The following GRID2 variants were observed in gnomAD, a reference collection of about 807,000 sequenced individuals.
GRID2 encodes the protein glutamate ionotropic receptor delta type subunit 2.
Under a neutral mutation model 114.8 loss-of-function variants are expected in GRID2, and 33 were observed. The ratio of observed to expected loss-of-function variants is 0.29; its 90% CI spans 0.22 to 0.38. The LOEUF (loss-of-function observed/expected upper bound fraction) is 0.38. Ranked by LOEUF, GRID2 falls within the 10% of genes least tolerant of loss-of-function variation. The pLI, the probability that GRID2 is intolerant of heterozygous loss-of-function variation, is 1.00. For missense variants in GRID2, 1,184 were observed against 1,257.7 expected (o/e 0.94, Z 0.89); for synonymous variants, 505 against 449.9 (o/e 1.12, Z -1.55).
chr4:92,568,097 G>A (rs539125891), intron 1 of GRID2, among the ~76,000 whole-genome samples: 1 of 152,014 alleles, frequency 6.6e-6, no homozygotes, highest in African/African-American at 2.4e-5. Context: ...AGCAAGACCT[G>A]AAGCAGTTGA....
At chr4:93,086,358 G>A (rs908390207) in intron 3 of GRID2, among the ~76,000 whole-genome samples, 1 of 152,150 alleles carries the variant, frequency 6.6e-6, no homozygotes, top group Non-Finnish European at 1.5e-5. Flanking sequence ...CAATGTGAAC[G>A]ATATTGGAGA....
intron 1 of GRID2, among the ~76,000 whole-genome samples, chr4:92,329,091 T>C (rs2110140013): frequency 6.6e-6 from 1 of 152,216 alleles, no homozygotes; most frequent in African/African-American, 2.4e-5. Context: ...TTTTACTTCA[T>C]AATAGTCATT....
At chr4:93,484,975 C>T (rs1726241357) in intron 11 of GRID2, among the ~76,000 whole-genome samples, 1 of 151,836 alleles carries the variant, frequency 6.6e-6, no homozygotes. Flanking sequence ...CTAAGATATG[C>T]ATACGTTAGT....
intron 2 of GRID2, among the ~76,000 whole-genome samples, chr4:92,706,045 GAAGTA>G (rs1425117334): frequency 8.5e-5 from 13 of 152,308 alleles, no homozygotes; most frequent in Admixed American, 2.0e-4. Flanking sequence ...CTTGCAGCCT[GAAGTA>G]AAGGCGCAGT....
At chr4:93,779,504 C>T (rs1388944063), downstream of GRID2, among the ~76,000 whole-genome samples, 1 of 152,048 alleles carries the variant, frequency 6.6e-6, no homozygotes, top group South Asian at 2.1e-4. Flanking sequence ...CTCTGCCACC[C>T]AGCTTCTCCT....
chr4:93,155,997 C>A (rs751230967), intron 4 of GRID2, among the ~76,000 whole-genome samples: 3 of 151,116 alleles, frequency 2.0e-5, no homozygotes, highest in Non-Finnish European at 3.0e-5. Context: ...CACGAAGAAA[C>A]GATAAATGCT....
intron 2 of GRID2, among the ~76,000 whole-genome samples, chr4:92,613,668 G>T (rs1729863219): frequency 6.6e-6 from 1 of 151,256 alleles, no homozygotes; most frequent in Non-Finnish European, 1.5e-5. Context: ...TATCTGCTCT[G>T]CTAACATGAA....
intron 8 of GRID2, among the ~76,000 whole-genome samples, chr4:93,297,802 T>A (rs1214125878): frequency 6.6e-6 from 1 of 152,224 alleles, no homozygotes; most frequent in African/African-American, 2.4e-5. Flanking sequence ...TACATAAATA[T>A]TATTCTCTTT....
intron 1 of GRID2, among the ~76,000 whole-genome samples, chr4:92,400,440 A>G (rs1046882207): frequency 1.6e-4 from 24 of 152,146 alleles, no homozygotes; most frequent in African/African-American, 5.5e-4. Context: ...TTAGTACTTT[A>G]TTCCTTTTTA....
chr4:92,443,530 AG>A lies in GRID2; in HGVS notation c.88+138790del, dbSNP rs906949404. ...TCTTACCTTCCAGAAAAGTGGGAAA[AG>A]GGGTTGGGGCACAGAGATAAGAGGT... is the stretch of plus-strand genomic sequence containing the variant. On this transcript the variant is annotated intron_variant, in intron 1 of 15. Coordinates refer to ENST00000282020, the MANE Select transcript of GRID2 (RefSeq NM_001510.4). Among the ~76,000 whole-genome samples, 21 of 151,982 alleles carry A rather than the reference AG, an allele frequency of 1.4e-4. No individual in the cohort carries two copies. The East Asian group carries it at 4.1e-3, about 30-fold the overall frequency.
chr4:93,165,630 CATG>C (rs1738176027), intron 4 of GRID2, among the ~76,000 whole-genome samples: 1 of 152,054 alleles, frequency 6.6e-6, no homozygotes, highest in African/African-American at 2.4e-5. Context: ...AGGCATGAAG[CATG>C]ATGTTTTAGT....
rs374007551 is a variant in GRID2, at chr4:93,614,048, A to G, written c.2194-12221A>G. Among the ~76,000 whole-genome samples the G allele has an allele frequency of 4.0e-3, 609 of 152,034 alleles. 4 individuals carry two copies. The highest frequency in any genetic ancestry group is 0.014 in the African/African-American group (566 of 41,520). ...TTTTTAAGCCGGTCTGAAAAGCGCA[A>G]TATTCGGGTGGGAGTGACCCGATTT... On this transcript the variant is annotated intron_variant, in intron 13 of 15. Coordinates refer to ENST00000282020, the MANE Select transcript of GRID2 (RefSeq NM_001510.4).
intron 2 of GRID2, among the ~76,000 whole-genome samples, chr4:92,901,903 C>G (rs1257021137): frequency 1.3e-5 from 2 of 151,594 alleles, no homozygotes; most frequent in Non-Finnish European, 2.9e-5. Context: ...GGAGAGGATT[C>G]TTTACTGCTC....
intron 8 of GRID2, among the ~76,000 whole-genome samples, chr4:93,283,591 T>C (rs1231365234): frequency 6.6e-6 from 1 of 152,070 alleles, no homozygotes; most frequent in African/African-American, 2.4e-5. Context: ...GGAGAATGTG[T>C]AGGTGCAGTT....
intron 1 of GRID2, among the ~76,000 whole-genome samples, chr4:92,314,337 A>T (rs2110114302): frequency 6.6e-6 from 1 of 152,268 alleles, no homozygotes; most frequent in East Asian, 1.9e-4. Flanking sequence ...CCAGGAACAC[A>T]CAATATTTCT....
chr4:93,468,969 C>T (rs1724544200), intron 11 of GRID2, among the ~76,000 whole-genome samples: 1 of 152,004 alleles, frequency 6.6e-6, no homozygotes, highest in Non-Finnish European at 1.5e-5. Flanking sequence ...TATACCCAGC[C>T]ATCGTACATT....
intron 2 of GRID2, among the ~76,000 whole-genome samples, chr4:92,871,235 CTA>C (rs1360611166): frequency 1.3e-5 from 2 of 151,294 alleles, no homozygotes; most frequent in African/African-American, 4.9e-5. Flanking sequence ...TAATTGTTAA[CTA>C]TGTTTTATTT....
At chr4:92,347,623 G>A (rs940218206) in intron 1 of GRID2, among the ~76,000 whole-genome samples, 1 of 152,048 alleles carries the variant, frequency 6.6e-6, no homozygotes, top group Admixed American at 6.6e-5. Flanking sequence ...GCAGAATGTT[G>A]TTTCTTAATA....
chr4:93,366,064 G>A (rs2149282736), intron 8 of GRID2, among the ~76,000 whole-genome samples: 1 of 152,030 alleles, frequency 6.6e-6, no homozygotes. Context: ...TGTAATAATT[G>A]CATTAACTGC....
Sources: gnomAD v4.1 joint callset for allele counts (sites outside exome capture counted in the v4.1 genomes callset) on GRCh38, gnomAD v4.1.1 for gene constraint, MANE v1.5 for transcripts, NCBI Gene and HGNC (gene_info 2026-07-23, HGNC 2026-07-21) for gene names.